The following CELSR1 variants were observed in gnomAD, a reference collection of about 807,000 sequenced individuals.
CELSR1 encodes adhesion G protein-coupled receptor C1.
A neutral mutation model predicts 249.1 loss-of-function variants in CELSR1; 110 were observed. The ratio of observed to expected loss-of-function variants is 0.44; its 90% CI spans 0.38 to 0.52. The LOEUF (loss-of-function observed/expected upper bound fraction) is 0.52, where lower values mean the gene tolerates loss of function less well. CELSR1 is among the 20% of genes least tolerant of loss of function. The pLI is 0.00. For missense variants in CELSR1, 4,109 were observed against 4,296.4 expected, an observed-to-expected ratio of 0.96 and a Z score of 1.22; for synonymous variants, 2,113 against 1,900.0, an observed-to-expected ratio of 1.11 and a Z score of -2.92.
intron 1 of CELSR1, among the ~76,000 whole-genome samples, chr22:46,524,710 G>C (rs1042025652): frequency 1.3e-5 from 2 of 152,132 alleles, no homozygotes; most frequent in Non-Finnish European, 1.5e-5. Flanking sequence ...ACGCCCAAAA[G>C]GGGGACCTGA....
chr22:46,481,373 T>C lies in CELSR1; in HGVS notation c.3545-17028A>G, dbSNP rs2080264666. The C allele has an allele frequency of 5.4e-6, 5 of 925,154 alleles. No individual in the cohort carries two copies. The East Asian group carries it at 7.3e-5, about 13-fold the overall frequency. The allele number at this position is 925,154 out of a possible 1,614,324, so 57.3% of individuals were successfully genotyped here. On this transcript the variant is annotated intron_variant, in intron 1 of 34. Transcript: ENST00000674500. ...GCCTCCTTCACCTTCTCGGTCATAG[T>C]TGGGAGCAGGTGCATGTGGTCATCC...
chr22:46,480,065 A>T (rs1357124130), intron 1 of CELSR1, among the ~76,000 whole-genome samples: 1 of 152,258 alleles, frequency 6.6e-6, no homozygotes, highest in Non-Finnish European at 1.5e-5. Flanking sequence ...ATAATCAAGT[A>T]GCCAAATGCT....
In CELSR1 at chr22:46,518,477, G is replaced by A. The variant is rs993069009; in HGVS notation, c.3544+15150C>T. On this transcript the variant is annotated intron_variant, in intron 1 of 34. Coordinates refer to ENST00000674500, the MANE Select transcript of CELSR1 (RefSeq NM_001378328.1). The surrounding 1 kb of genome is among the most constrained non-coding windows in gnomAD (Gnocchi z 5.2). ...AGATCCCACTGAGAAGGGAGGCCTC[G>A]GTTATCTGATTTAACACGAAGAAAC... is the stretch of plus-strand genomic sequence containing the variant. Among the ~76,000 whole-genome samples, 5 of 152,208 alleles carry A rather than the reference G, an allele frequency of 3.3e-5. No individual in the cohort carries two copies. Among genetic ancestry groups the A allele is most frequent in the Non-Finnish European group, 4.4e-5 (3 of 68,042 alleles).
chr22:46,451,914 G>A lies in CELSR1; in HGVS notation c.4183+11793C>T, dbSNP rs575289281. ...CATGAATTATCGTAAAATGAGCGCA[G>A]AGGGAGATGAGAAGCAAGGGGAAGG... On this transcript the variant is annotated intron_variant, in intron 2 of 34. Coordinates refer to ENST00000674500, the MANE Select transcript of CELSR1 (RefSeq NM_001378328.1). Among the ~76,000 whole-genome samples, 20 of 152,336 alleles carry A rather than the reference G, an allele frequency of 1.3e-4. No homozygotes were observed. The East Asian group carries it at 3.5e-3, about 26-fold the overall frequency.
At position 46,499,188 on chromosome 22, in the gene CELSR1, A is replaced by T. The variant is rs1280324853; in HGVS notation, c.3544+34439T>A. The stretch of plus-strand genomic sequence containing the variant: ...GAGTAAGACTCTGTTGCAAATCTAA[A>T]AAAAAAAAAAAAAAAAAGTTAAACA... On this transcript the variant is annotated intron_variant, in intron 1 of 34. Coordinates refer to ENST00000674500, the MANE Select transcript of CELSR1 (RefSeq NM_001378328.1). 5.2e-4 allele frequency among the ~76,000 whole-genome samples: 9 copies of T among 17,204 alleles called. No homozygotes were observed. The East Asian group carries it at 0.058, about 111-fold the overall frequency. The allele number at this position is 17,204 out of a possible 152,430, so 11.3% of individuals were successfully genotyped here.
intron 14 of CELSR1, among the ~76,000 whole-genome samples, chr22:46,392,714 G>A (rs1417479792): frequency 3.3e-5 from 5 of 151,960 alleles, no homozygotes; most frequent in Admixed American, 6.6e-5. Flanking sequence ...GCATCAGCAC[G>A]CTCAGCTAAT....
chr22:46,424,272 T>C (rs943455294), intron 5 of CELSR1, among the ~76,000 whole-genome samples: 8 of 151,498 alleles, frequency 5.3e-5, no homozygotes, highest in African/African-American at 1.9e-4. Context: ...AGAGATGTAT[T>C]CTCCCTATGT....
intron 1 of CELSR1, among the ~76,000 whole-genome samples, chr22:46,502,835 C>T (rs1465161681): frequency 1.3e-5 from 2 of 152,128 alleles, no homozygotes; most frequent in African/African-American, 2.4e-5. Context: ...TGGCCAAAAT[C>T]GGCAGCAAGG....
At position 46,472,381 on chromosome 22, in the gene CELSR1, GC is replaced by G. The variant is rs1194952151; in HGVS notation, c.3545-8037del. On this transcript the variant is annotated intron_variant, in intron 1 of 34. Transcript: ENST00000674500. The surrounding 1 kb of genome is among the most constrained non-coding windows in gnomAD (Gnocchi z 7.0). ...CAGTGGGGGCAGAGGTCACATCATG[GC>G]CCTCAAGGAGCAGGCAGCCCTCAGG... Among the ~76,000 whole-genome samples the G allele has an allele frequency of 1.3e-5, 2 of 152,178 alleles. No individual in the cohort carries two copies. Among genetic ancestry groups the G allele is most frequent in the African/African-American group, 4.8e-5 (2 of 41,440 alleles).
rs988042247 is a variant in CELSR1, at chr22:46,380,382, C to T, written c.7256+406G>A. Among the ~76,000 whole-genome samples, 6 of 152,196 alleles carry T rather than the reference C, an allele frequency of 3.9e-5. No individual in the cohort carries two copies. The highest frequency in any genetic ancestry group is 1.3e-4 in the Admixed American group (2 of 15,286). On this transcript the variant is annotated intron_variant, in intron 22 of 34. Transcript: ENST00000674500. This position sits in a 1 kb window ranked among gnomAD's most constrained non-coding sequence, Gnocchi z 5.1. ...GGGCAAGACCGTCAGCAGATGGGCTCTTAGGCCAGTCTCTGGGTTCTGTCT... is the reference window on the plus strand; with the variant it reads ...GGGCAAGACCGTCAGCAGATGGGCTTTTAGGCCAGTCTCTGGGTTCTGTCT...
In CELSR1 at chr22:46,391,549, C is replaced by T; in HGVS notation, c.6148+84G>A. ...GGGAGCCCAGGGTCCCCCAAACACC[C>T]AGCGTGCATGCACACACGTGCACGC... is the stretch of plus-strand genomic sequence containing the variant. On this transcript the variant is annotated intron_variant, in intron 15 of 34. Coordinates refer to ENST00000674500, the MANE Select transcript of CELSR1 (RefSeq NM_001378328.1). This position sits in a 1 kb window ranked among gnomAD's most constrained non-coding sequence, Gnocchi z 4.3. 2.1e-6 allele frequency: 3 copies of T among 1,415,992 alleles called. No individual in the cohort carries two copies. The highest frequency in any genetic ancestry group is 2.8e-6 in the Non-Finnish European group (3 of 1,072,684). The allele number at this position is 1,415,992 out of a possible 1,614,324, so 87.7% of individuals were successfully genotyped here. A position where few individuals can be genotyped will look rare whatever the true frequency, so the allele number is the denominator to read the frequency against.
chr22:46,531,821 C>A (rs2080794966), intron 1 of CELSR1, among the ~76,000 whole-genome samples: 1 of 152,186 alleles, frequency 6.6e-6, no homozygotes, highest in African/African-American at 2.4e-5. Context: ...TCAAAGGTAA[C>A]CACTGTCATC....
At chr22:46,397,562 G>A (rs1047705410) in intron 12 of CELSR1, 112 bp downstream of exon 12, 9 of 1,005,056 alleles carry the variant, frequency 9.0e-6, no homozygotes, top group Non-Finnish European at 1.2e-5. Flanking sequence ...AGGGCTCCAC[G>A]GAACCACAGG....
rs1356087355 is a variant in CELSR1 at position 46,407,676 on chromosome 22, G to A, written c.5226+1320C>T. Among the ~76,000 whole-genome samples the A allele has an allele frequency of 6.6e-6, 1 of 152,000 alleles. No homozygotes were observed. The highest frequency in any genetic ancestry group is 6.6e-5 in the Admixed American group (1 of 15,238). ...AAAACAAAAAAAACCTAGGATGAAG[G>A]AAGGAATAACTCAGTTATGAATCTG... On this transcript the variant is annotated intron_variant, in intron 9 of 34. Transcript: ENST00000674500. This position sits in a 1 kb window ranked among gnomAD's most constrained non-coding sequence, Gnocchi z 4.8.
chr22:46,501,661 T>C (rs909455809), intron 1 of CELSR1, among the ~76,000 whole-genome samples: 1 of 152,252 alleles, frequency 6.6e-6, no homozygotes, highest in Non-Finnish European at 1.5e-5. Context: ...GTGCTTTTTT[T>C]CCTTCAGTCA....
At position 46,536,715 on chromosome 22, in the gene CELSR1, G is replaced by T; in HGVS notation, c.456C>A (p.Thr152=). 8.5e-7 allele frequency: 1 copy of T among 1,177,354 alleles called. No homozygotes were observed. The highest frequency in any genetic ancestry group is 4.7e-5 in the Admixed American group (1 of 21,386). 72.9% of individuals were successfully genotyped at this position (1,177,354 alleles called of 1,614,324 possible). A position where few individuals can be genotyped will look rare whatever the true frequency, so the allele number is the denominator to read the frequency against. ...GCGGCGGGCAGCGGCAGGCGGGTAAGGTGGTCGGAGCTGCGAGCGCCGAAT... is the reference window on the plus strand; with the variant it reads ...GCGGCGGGCAGCGGCAGGCGGGTAATGTGGTCGGAGCTGCGAGCGCCGAAT... The part of the protein sequence containing the change: ...AQHSALAAPT[T]LPACRCPPRP... Residue 152 remains threonine, a synonymous_variant, in exon 1 of 35, where the codon ACC becomes ACA. Transcript: ENST00000674500.
rs542781640 is a variant in CELSR1 at position 46,532,489 on chromosome 22, C to T, written c.3544+1138G>A. Among the ~76,000 whole-genome samples, 9 of 152,344 alleles carry T rather than the reference C, an allele frequency of 5.9e-5. No homozygotes were observed. The South Asian group carries it at 1.7e-3, about 28-fold the overall frequency. Reference sequence around the variant, plus strand: ...GAAGCTGTTAGCTATCCAACCCTTCCTATATTACAGAATAACAGCCAACCT... The same window carrying T: ...GAAGCTGTTAGCTATCCAACCCTTCTTATATTACAGAATAACAGCCAACCT... On this transcript the variant is annotated intron_variant, in intron 1 of 34. Transcript: ENST00000674500.
chr22:46,369,891 TGGG>T (rs1325260356), intron 25 of CELSR1, 87 bp from the exon 26 acceptor site: 3 of 1,120,506 alleles, frequency 2.7e-6, no homozygotes, highest in Non-Finnish European at 4.0e-6. Context: ...TGGGGTGAAA[TGGG>T]GGACTCAGCA....
In CELSR1 at chr22:46,506,602, C is replaced by A. The variant is rs1405836524; in HGVS notation, c.3544+27025G>T. On this transcript the variant is annotated intron_variant, in intron 1 of 34. Coordinates refer to ENST00000674500, the MANE Select transcript of CELSR1 (RefSeq NM_001378328.1). This position sits in a 1 kb window ranked among gnomAD's most constrained non-coding sequence, Gnocchi z 4.1. ...GAATTCTCACCCATTTCCAAGACCA[C>A]TTCCTTAGGGTGATGTTTCTAGGAC... Among the ~76,000 whole-genome samples the A allele has an allele frequency of 6.6e-6, 1 of 152,230 alleles. No individual in the cohort carries two copies. Among genetic ancestry groups the A allele is most frequent in the East Asian group, 1.9e-4 (1 of 5,206 alleles).
Sources: allele counts gnomAD v4.1 joint callset (sites outside exome capture counted in the v4.1 genomes callset), GRCh38; gene constraint gnomAD v4.1.1; non-coding constraint Gnocchi (gnomAD v3.1); transcripts MANE v1.5; gene names NCBI Gene and HGNC (gene_info 2026-07-23, HGNC 2026-07-21).